KIAA0825: variants seen among roughly 807,000 people sequenced by gnomAD.
The protein encoded by KIAA0825 is uncharacterized protein KIAA0825.
In KIAA0825, 119 loss-of-function variants were observed where a neutral mutation model predicts 147.6. That is an observed-to-expected ratio of 0.81 (90% confidence interval 0.69 to 0.94). KIAA0825 has a LOEUF of 0.94. Ranked by LOEUF, KIAA0825 falls within the 40% of genes least tolerant of loss-of-function variation. The pLI is 0.00. For missense variants in KIAA0825, 1,381 were observed against 1,472.7 expected, an observed-to-expected ratio of 0.94 and a Z score of 1.02; for synonymous variants, 470 against 518.1, an observed-to-expected ratio of 0.91 and a Z score of 1.26.
chr5:94,567,578 A>C (rs1469520844), intron 2 of KIAA0825: 1 of 152,322 alleles, frequency 6.6e-6, no homozygotes, highest in East Asian at 1.9e-4. Context: ...CGTAGGAATC[A>C]TGTCTTTCCT....
chr5:94,364,660 G>T (rs565960782), intron 20 of KIAA0825, among the ~76,000 whole-genome samples: 3 of 152,194 alleles, frequency 2.0e-5, no homozygotes, highest in Admixed American at 2.0e-4. Context: ...GGGATTAATG[G>T]TCATTCTCCA....
intron 20 of KIAA0825, among the ~76,000 whole-genome samples, chr5:94,251,515 C>T: frequency 6.6e-6 from 1 of 152,054 alleles, no homozygotes; most frequent in African/African-American, 2.4e-5. Context: ...TAGACTTTTA[C>T]ATTGCTTCAG....
chr5:94,451,198 C>T (rs1159780254), intron 13 of KIAA0825, among the ~76,000 whole-genome samples: 1 of 152,150 alleles, frequency 6.6e-6, no homozygotes, highest in Non-Finnish European at 1.5e-5. Context: ...ACAATTATTT[C>T]TCTATGTAAT....
At chr5:94,512,979 G>A (rs574021082) in intron 5 of KIAA0825, among the ~76,000 whole-genome samples, 18 of 152,266 alleles carry the variant, frequency 1.2e-4, no homozygotes, top group Admixed American at 6.5e-4. Flanking sequence ...AGGAAGTTTA[G>A]AGAGTGACTT....
chr5:94,325,906 T>C (rs1043037630), intron 20 of KIAA0825, among the ~76,000 whole-genome samples: 4 of 152,024 alleles, frequency 2.6e-5, no homozygotes, highest in Admixed American at 1.3e-4. Context: ...CAACTGAAGG[T>C]ATTTTATAAT....
chr5:94,157,081 C>T (rs1177792819), intron 20 of KIAA0825, among the ~76,000 whole-genome samples: 1 of 152,052 alleles, frequency 6.6e-6, no homozygotes, highest in Admixed American at 6.5e-5. Flanking sequence ...CTAATTTCCC[C>T]TAATATATTT....
At chr5:94,333,914 A>G (rs1781531926) in intron 20 of KIAA0825, among the ~76,000 whole-genome samples, 1 of 152,210 alleles carries the variant, frequency 6.6e-6, no homozygotes, top group South Asian at 2.1e-4. Context: ...GGACTTCTTC[A>G]AGGAAAACTA....
intron 3 of KIAA0825, among the ~76,000 whole-genome samples, chr5:94,527,826 A>G (rs1474560858): frequency 1.3e-5 from 2 of 152,028 alleles, no homozygotes; most frequent in Non-Finnish European, 2.9e-5. Flanking sequence ...CTAGATTACT[A>G]AAATTCCTTG....
chr5:94,232,554 A>G (rs970623860), intron 20 of KIAA0825, among the ~76,000 whole-genome samples: 4 of 152,020 alleles, frequency 2.6e-5, no homozygotes, highest in Non-Finnish European at 1.5e-5. Context: ...AGGGATTTTA[A>G]TTTAATATGA....
In KIAA0825 at chr5:94,151,229, A is replaced by G. The variant is rs1023380193; in HGVS notation, c.*2778T>C. Among the ~76,000 whole-genome samples, 6 of 150,628 alleles carry G rather than the reference A, an allele frequency of 4.0e-5. No homozygotes were observed. The highest frequency in any genetic ancestry group is 1.3e-4 in the Admixed American group (2 of 15,164). Reference sequence around the variant, plus strand: ...TCAGGAGATCGAGACCATCCTGGCTAACAAGGTGAAACCCCGTCTCTACTA... The same window carrying G: ...TCAGGAGATCGAGACCATCCTGGCTGACAAGGTGAAACCCCGTCTCTACTA... On this transcript the variant is annotated 3_prime_UTR_variant, in exon 21 of 21. Transcript: ENST00000682413.
chr5:94,510,414 T>C (rs1474944281), intron 5 of KIAA0825, among the ~76,000 whole-genome samples: 1 of 152,236 alleles, frequency 6.6e-6, no homozygotes, highest in Non-Finnish European at 1.5e-5. Context: ...GCGTAATTTA[T>C]ACTTTTCTAA....
At chr5:94,534,144 T>G (rs534898428) in intron 3 of KIAA0825, among the ~76,000 whole-genome samples, 14 of 152,336 alleles carry the variant, frequency 9.2e-5, no homozygotes, top group African/African-American at 3.4e-4. Flanking sequence ...CAGATGTTCA[T>G]TACTTATTCA....
intron 18 of KIAA0825, among the ~76,000 whole-genome samples, chr5:94,387,235 T>A (rs1749278111): frequency 1.3e-5 from 2 of 152,182 alleles, no homozygotes; most frequent in South Asian, 4.1e-4. Flanking sequence ...AGGTTAGGGT[T>A]AGGATGAAGT....
At chr5:94,305,415 G>T (rs1329947866) in intron 20 of KIAA0825, among the ~76,000 whole-genome samples, 2 of 151,918 alleles carry the variant, frequency 1.3e-5, no homozygotes, top group Non-Finnish European at 2.9e-5. Context: ...CACAATGTAG[G>T]ATTGACATAT....
At chr5:94,571,097 A>C (rs1779889892) in intron 2 of KIAA0825, among the ~76,000 whole-genome samples, 1 of 152,208 alleles carries the variant, frequency 6.6e-6, no homozygotes, top group South Asian at 2.1e-4. Flanking sequence ...TGTGCATTAC[A>C]ACATATTTCA....
intron 20 of KIAA0825, among the ~76,000 whole-genome samples, chr5:94,234,138 G>A (rs1008539817): frequency 4.6e-5 from 7 of 152,014 alleles, no homozygotes; most frequent in East Asian, 1.9e-4. Context: ...AGGCCGAGGC[G>A]GGTGGATCAC....
intron 5 of KIAA0825, among the ~76,000 whole-genome samples, chr5:94,493,050 T>C (rs747126314): frequency 3.8e-4 from 58 of 152,220 alleles, no homozygotes; most frequent in Admixed American, 1.6e-3. Context: ...GTTTTGCATA[T>C]AATTCCAAGA....
intron 20 of KIAA0825, among the ~76,000 whole-genome samples, chr5:94,306,955 A>G (rs1008089219): frequency 6.6e-6 from 1 of 151,882 alleles, no homozygotes; most frequent in South Asian, 2.1e-4. Context: ...GAATAGGTAC[A>G]TGATGCGTAG....
intron 7 of KIAA0825, among the ~76,000 whole-genome samples, chr5:94,475,387 T>TA (rs1761752802): frequency 6.8e-6 from 1 of 147,630 alleles, no homozygotes; most frequent in African/African-American, 2.7e-5. Flanking sequence ...ATTGAATTTT[T>TA]AAAAATTTTT....
Sources: allele counts gnomAD v4.1 joint callset (sites outside exome capture counted in the v4.1 genomes callset), GRCh38; gene constraint gnomAD v4.1.1; transcripts MANE v1.5; gene names NCBI Gene and HGNC (gene_info 2026-07-23, HGNC 2026-07-21).